The following ERAP1 variants were observed in gnomAD, a reference collection of about 807,000 sequenced individuals.
The protein encoded by ERAP1 is adipocyte-derived leucine aminopeptidase.
Under a neutral mutation model 103.7 loss-of-function variants are expected in ERAP1, and 86 were observed. The ratio of observed to expected loss-of-function variants is 0.83; its 90% CI spans 0.70 to 0.99. The LOEUF is 0.99. Ranked by LOEUF, ERAP1 falls within the 50% of genes least tolerant of loss-of-function variation. The probability of loss-of-function intolerance (pLI) is 0.00; values close to 1 mark genes in which losing one functional copy is unlikely to be tolerated. For missense variants in ERAP1, 1,009 were observed against 1,128.4 expected, an observed-to-expected ratio of 0.89 and a Z score of 1.52; for synonymous variants, 398 against 402.4, an observed-to-expected ratio of 0.99 and a Z score of 0.13.
the ERAP1 span, among the ~76,000 whole-genome samples, chr5:96,821,958 T>TA: frequency 1.3e-5 from 2 of 152,214 alleles, no homozygotes; most frequent in Non-Finnish European, 2.9e-5. Context: ...GGTGTGGGTA[T>TA]ACTCATGTGT....
chr5:96,926,397 C>T, the ERAP1 span, among the ~76,000 whole-genome samples: 19 of 152,216 alleles, frequency 1.2e-4, no homozygotes, highest in African/African-American at 3.1e-4. Context: ...CCTAGCAAAA[C>T]GATCAATTTC....
the ERAP1 span, chr5:96,917,748 TA>T: frequency 2.0e-6 from 1 of 502,870 alleles, no homozygotes; most frequent in African/African-American, 2.0e-5. Context: ...CCGCTAAAAA[TA>T]CAAAAAATTA....
the ERAP1 span, chr5:96,814,059 G>A: frequency 9.8e-6 from 3 of 306,178 alleles, no homozygotes; most frequent in Non-Finnish European, 2.0e-5. Flanking sequence ...TTAACTCACA[G>A]TTTCTGTGGG....
chr5:96,849,220 T>A, the ERAP1 span, among the ~76,000 whole-genome samples: 4 of 152,190 alleles, frequency 2.6e-5, no homozygotes, highest in African/African-American at 9.6e-5. Flanking sequence ...AAGACAAGAA[T>A]GCCTACTTTC....
chr5:96,899,608 C>G, the ERAP1 span, among the ~76,000 whole-genome samples: 1 of 152,116 alleles, frequency 6.6e-6, no homozygotes, highest in Non-Finnish European at 1.5e-5. Flanking sequence ...ATTTTATTCC[C>G]AGTTAGTTCG....
At chr5:96,893,913 C>G in the ERAP1 span, among the ~76,000 whole-genome samples, 1 of 152,168 alleles carries the variant, frequency 6.6e-6, no homozygotes, top group African/African-American at 2.4e-5. Flanking sequence ...CAGGTTGTAT[C>G]ACTCTGCCTT....
upstream of ERAP1, among the ~76,000 whole-genome samples, chr5:96,812,226 A>G (rs1486046495): frequency 2.0e-5 from 3 of 152,350 alleles, no homozygotes; most frequent in East Asian, 3.9e-4. Context: ...AAGCAATGAA[A>G]TTTCTTTAAA....
At chr5:96,878,283 C>T in the ERAP1 span, among the ~76,000 whole-genome samples, 3 of 152,100 alleles carry the variant, frequency 2.0e-5, no homozygotes, top group African/African-American at 7.2e-5. Flanking sequence ...TGGCTTTTGA[C>T]ATATTGAAAA....
chr5:96,903,665 A>C, the ERAP1 span: 19 of 1,073,842 alleles, frequency 1.8e-5, no homozygotes, highest in Admixed American at 4.8e-4. Context: ...TTTAATATGG[A>C]TTTGAATGGA....
chr5:96,833,812 G>T, the ERAP1 span, among the ~76,000 whole-genome samples: 4 of 149,762 alleles, frequency 2.7e-5, no homozygotes, highest in Middle Eastern at 3.5e-3. Flanking sequence ...AAAAAGAAAA[G>T]AAAAAGAAGA....
At chr5:96,827,096 T>C in the ERAP1 span, among the ~76,000 whole-genome samples, 1 of 152,342 alleles carries the variant, frequency 6.6e-6, no homozygotes, top group South Asian at 2.1e-4. Flanking sequence ...AAGAATTTTT[T>C]GGATCTGAGA....
At chr5:96,914,544 G>A in the ERAP1 span, among the ~76,000 whole-genome samples, 196 of 152,322 alleles carry the variant, frequency 1.3e-3, 1 homozygote, top group African/African-American at 4.6e-3. Context: ...CTCCTGAAAT[G>A]ATCAGCCTTA....
the ERAP1 span, among the ~76,000 whole-genome samples, chr5:96,824,198 G>A: frequency 6.6e-6 from 1 of 152,200 alleles, no homozygotes; most frequent in South Asian, 2.1e-4. Flanking sequence ...GTAGATAAGG[G>A]TGGACTCCTG....
chr5:96,928,016 A>G, the ERAP1 span, among the ~76,000 whole-genome samples: 1 of 151,958 alleles, frequency 6.6e-6, no homozygotes, highest in African/African-American at 2.4e-5. Context: ...AGTGATTCTC[A>G]TGCCTCAGCC....
chr5:96,867,837 GC>G, the ERAP1 span, among the ~76,000 whole-genome samples: 1 of 152,200 alleles, frequency 6.6e-6, no homozygotes, highest in Non-Finnish European at 1.5e-5. Context: ...ACTTTGGGAG[GC>G]TGAGGCAGGC....
intron 11 of ERAP1, among the ~76,000 whole-genome samples, chr5:96,787,807 TATATATACAC>T (rs1377232857): frequency 2.1e-4 from 19 of 90,984 alleles, no homozygotes; most frequent in Non-Finnish European, 4.4e-4. Flanking sequence ...TGTGTGTGTA[TATATATACAC>T]ATATATATGT....
Position 96,775,331 on chromosome 5 carries a change from C to T in ERAP1, c.*1065G>A, listed in dbSNP as rs1388708077. ...TAATATGAGCAAATATTTTGTTTCA[C>T]AATGTACTATCATTTATTGGTGACT... On this transcript the variant is annotated 3_prime_UTR_variant, in exon 19 of 19. Transcript: ENST00000443439. 1 of 985,130 alleles carries T rather than the reference C, an allele frequency of 1.0e-6. No individual in the cohort carries two copies. The highest frequency in any genetic ancestry group is 1.7e-5 in the African/African-American group (1 of 57,160). The allele number at this position is 985,130 out of a possible 1,614,324, so 61.0% of individuals were successfully genotyped here.
chr5:96,875,363 C>A, the ERAP1 span, among the ~76,000 whole-genome samples: 1 of 151,468 alleles, frequency 6.6e-6, no homozygotes, highest in South Asian at 2.1e-4. Context: ...GGGAAGACCT[C>A]ATCTATAAAA....
At chr5:96,871,956 C>T in the ERAP1 span, among the ~76,000 whole-genome samples, 32 of 152,060 alleles carry the variant, frequency 2.1e-4, no homozygotes, top group Non-Finnish European at 3.8e-4. Flanking sequence ...CCCTCCCTAC[C>T]CCCATTTCTC....
Sources: gnomAD v4.1 joint callset for allele counts (sites outside exome capture counted in the v4.1 genomes callset) on GRCh38, gnomAD v4.1.1 for gene constraint, MANE v1.5 for transcripts, NCBI Gene and HGNC (gene_info 2026-07-23, HGNC 2026-07-21) for gene names.